The following PGGT1B variants were observed in gnomAD, a reference collection of about 807,000 sequenced individuals.
PGGT1B encodes the protein geranylgeranyl transferase type-1 subunit beta.
PGGT1B carries 30 observed loss-of-function variants against 46.1 expected under a neutral mutation model. The observed-to-expected ratio is 0.65, with a 90% confidence interval of 0.49 to 0.88. The LOEUF (loss-of-function observed/expected upper bound fraction) is 0.88. Among genes scored for constraint, PGGT1B ranks in the 40% least tolerant of loss-of-function variants. The probability of loss-of-function intolerance (pLI) is 0.00; values close to 1 mark genes in which losing one functional copy is unlikely to be tolerated. For missense variants in PGGT1B, 376 were observed against 455.9 expected, an observed-to-expected ratio of 0.82 and a Z score of 1.60; for synonymous variants, 170 against 160.0, an observed-to-expected ratio of 1.06 and a Z score of -0.47.
rs1228535792 is a variant in PGGT1B at position 115,206,131 on chromosome 5, ATATC to A, written c.*6267_*6270del. ...ATCTTTATGTATAGTATACATACATATATCTATTTGTATAAGTATATATTGTATT... is the reference window on the plus strand; with the variant it reads ...ATCTTTATGTATAGTATACATACATATATTTGTATAAGTATATATTGTATT... On this transcript the variant is annotated 3_prime_UTR_variant, in exon 9 of 9. Transcript: ENST00000419445. 6.6e-6 allele frequency: 1 copy of A among 151,978 alleles called. No individual in the cohort carries two copies. Among genetic ancestry groups the A allele is most frequent in the South Asian group, 2.1e-4 (1 of 4,832 alleles). The allele number at this position is 151,978 out of a possible 1,614,324, so 9.4% of individuals were successfully genotyped here. A position where few individuals can be genotyped will look rare whatever the true frequency, so the allele number is the denominator to read the frequency against.
At chr5:115,223,916 C>T (rs1426467975) in intron 6 of PGGT1B, among the ~76,000 whole-genome samples, 2 of 152,118 alleles carry the variant, frequency 1.3e-5, no homozygotes, top group Non-Finnish European at 2.9e-5. Flanking sequence ...TGCCTTGTTC[C>T]TAATACATCT....
At chr5:115,255,350 C>T (rs1194723492) in intron 1 of PGGT1B, among the ~76,000 whole-genome samples, 1 of 152,184 alleles carries the variant, frequency 6.6e-6, no homozygotes, top group Non-Finnish European at 1.5e-5. Context: ...GTGAAAATCA[C>T]TGCCCTTGGT....
chr5:115,226,990 T>G (rs565513968), intron 6 of PGGT1B, among the ~76,000 whole-genome samples: 1 of 152,018 alleles, frequency 6.6e-6, no homozygotes, highest in South Asian at 2.1e-4. Context: ...AAAAGGAATA[T>G]TAGCAACGTC....
At chr5:115,234,429 G>C (rs540775772) in intron 5 of PGGT1B, among the ~76,000 whole-genome samples, 1 of 152,054 alleles carries the variant, frequency 6.6e-6, no homozygotes, top group East Asian at 1.9e-4. Context: ...ACACTTCTCT[G>C]TATATATCTT....
intron 2 of PGGT1B, among the ~76,000 whole-genome samples, chr5:115,244,232 G>A (rs556728547): frequency 7.2e-5 from 11 of 152,116 alleles, no homozygotes; most frequent in Admixed American, 5.2e-4. Flanking sequence ...TTGGGAGGCC[G>A]AGACGGGCGG....
chr5:115,232,720 T>C (rs775559389), intron 5 of PGGT1B, among the ~76,000 whole-genome samples: 6 of 152,156 alleles, frequency 3.9e-5, no homozygotes, highest in African/African-American at 1.4e-4. Flanking sequence ...CATTATAGTA[T>C]GGCACTGTCA....
intron 3 of PGGT1B, among the ~76,000 whole-genome samples, chr5:115,241,181 C>T (rs754955626): frequency 1.3e-5 from 2 of 152,172 alleles, no homozygotes; most frequent in South Asian, 2.1e-4. Context: ...TGGCTTCTTA[C>T]ACAGCAGGTA....
At position 115,205,330 on chromosome 5, in the gene PGGT1B, C is replaced by A. The variant is rs1264258806; in HGVS notation, c.*7072G>T. 6.6e-6 allele frequency: 1 copy of A among 152,096 alleles called. No homozygotes were observed. Among genetic ancestry groups the A allele is most frequent in the Non-Finnish European group, 1.5e-5 (1 of 67,994 alleles). 9.4% of individuals were successfully genotyped at this position (152,096 alleles called of 1,614,324 possible). ...ATCACCAACTGCTTTAATGAGGACA[C>A]CTTATATGCTGGTAGTGCATTACCA... On this transcript the variant is annotated 3_prime_UTR_variant, in exon 9 of 9. Transcript: ENST00000419445.
intron 2 of PGGT1B, among the ~76,000 whole-genome samples, chr5:115,242,041 T>C (rs1757363217): frequency 6.6e-6 from 1 of 152,220 alleles, no homozygotes; most frequent in Admixed American, 6.5e-5. Context: ...TGTTTTTACT[T>C]TAACTCATTG....
At chr5:115,215,113 C>T (rs1324101784) in intron 8 of PGGT1B, among the ~76,000 whole-genome samples, 3 of 151,968 alleles carry the variant, frequency 2.0e-5, no homozygotes, top group Non-Finnish European at 4.4e-5. Flanking sequence ...ATTCTCCTGC[C>T]TCAGCCTCCT....
intron 6 of PGGT1B, among the ~76,000 whole-genome samples, chr5:115,226,703 T>C (rs76139384): frequency 0.021 from 3,255 of 151,998 alleles, 134 homozygotes; most frequent in African/African-American, 0.075. Context: ...TAGTACATTG[T>C]ACAAGGGCAT....
rs751009195 is a variant in PGGT1B at position 115,205,287 on chromosome 5, G to C, written c.*7115C>G. 18 of 152,134 alleles carry C rather than the reference G, an allele frequency of 1.2e-4. No homozygotes were observed. Among genetic ancestry groups the C allele is most frequent in the Non-Finnish European group, 2.1e-4 (14 of 68,016 alleles). The allele number at this position is 152,134 out of a possible 1,614,324, so 9.4% of individuals were successfully genotyped here. A position where few individuals can be genotyped will look rare whatever the true frequency, so the allele number is the denominator to read the frequency against. ...CACAAGTAGATGCAAACATACATGA[G>C]TGAGGTCCCATGTACCAATCACCAA... On this transcript the variant is annotated 3_prime_UTR_variant, in exon 9 of 9. Transcript: ENST00000419445.
At chr5:115,246,437 T>C (rs1348518003) in intron 2 of PGGT1B, among the ~76,000 whole-genome samples, 1 of 152,204 alleles carries the variant, frequency 6.6e-6, no homozygotes, top group Non-Finnish European at 1.5e-5. Context: ...TCTGCTCTTG[T>C]GTGCTTTCCT....
chr5:115,259,581 T>C (rs1283351829), intron 1 of PGGT1B, among the ~76,000 whole-genome samples: 1 of 148,908 alleles, frequency 6.7e-6, no homozygotes, highest in Non-Finnish European at 1.5e-5. Flanking sequence ...CCCAGCTACT[T>C]GAGAGGCTGA....
At chr5:115,226,760 G>C (rs1444240835) in intron 6 of PGGT1B, among the ~76,000 whole-genome samples, 1 of 151,922 alleles carries the variant, frequency 6.6e-6, no homozygotes, top group East Asian at 1.9e-4. Flanking sequence ...AAGATAAACA[G>C]AGGTAAGTAC....
At chr5:115,261,702 T>C (rs971836153) in intron 1 of PGGT1B, among the ~76,000 whole-genome samples, 1 of 152,152 alleles carries the variant, frequency 6.6e-6, no homozygotes, top group Non-Finnish European at 1.5e-5. Flanking sequence ...AACCAATACA[T>C]ACGTAATGTG....
rs967447993 is a variant in PGGT1B, at chr5:115,205,429, A to T, written c.*6973T>A. On this transcript the variant is annotated 3_prime_UTR_variant, in exon 9 of 9. Coordinates refer to ENST00000419445, the MANE Select transcript of PGGT1B (RefSeq NM_005023.4). ...AGTTAGAGCCTCAAGATATTTAATGAAAAGTTTGAACAAACATGGAAAAAC... is the reference window on the plus strand; with the variant it reads ...AGTTAGAGCCTCAAGATATTTAATGTAAAGTTTGAACAAACATGGAAAAAC... The T allele has an allele frequency of 3.3e-5, 5 of 152,130 alleles. No homozygotes were observed. Among genetic ancestry groups the T allele is most frequent in the Non-Finnish European group, 5.9e-5 (4 of 68,000 alleles). 9.4% of individuals were successfully genotyped at this position (152,130 alleles called of 1,614,324 possible). A position where few individuals can be genotyped will look rare whatever the true frequency, so the allele number is the denominator to read the frequency against.
At chr5:115,234,265 T>TA (rs1171579359) in intron 5 of PGGT1B, among the ~76,000 whole-genome samples, 1 of 149,566 alleles carries the variant, frequency 6.7e-6, no homozygotes. Flanking sequence ...GGAAAAGCAT[T>TA]AAAAATATCC....
chr5:115,245,719 GT>G (rs1202119945), intron 2 of PGGT1B, among the ~76,000 whole-genome samples: 1 of 152,028 alleles, frequency 6.6e-6, no homozygotes, highest in African/African-American at 2.4e-5. Flanking sequence ...AAGTAAAAAT[GT>G]TTTTCTTTTT....
Sources: allele counts gnomAD v4.1 joint callset (sites outside exome capture counted in the v4.1 genomes callset), GRCh38; gene constraint gnomAD v4.1.1; transcripts MANE v1.5; gene names NCBI Gene and HGNC (gene_info 2026-07-23, HGNC 2026-07-21).